Variants in APPBP2 observed in about 807,000 individuals in gnomAD.
APPBP2 encodes the protein amyloid beta precursor protein binding protein 2.
APPBP2 carries 15 observed loss-of-function variants against 76.0 expected under a neutral mutation model. The observed-to-expected ratio is 0.20, with a 90% confidence interval of 0.13 to 0.30. The LOEUF (loss-of-function observed/expected upper bound fraction) is 0.30. APPBP2 is among the 10% of genes least tolerant of loss of function. APPBP2 has a pLI of 1.00. For synonymous variants in APPBP2, 222 were observed against 242.2 expected (o/e 0.92, Z 0.77); for missense variants, 401 against 687.2 (o/e 0.58, Z 4.66).
intron 2 of APPBP2, among the ~76,000 whole-genome samples, chr17:60,499,844 A>G (rs2090807830): frequency 6.6e-6 from 1 of 152,200 alleles, no homozygotes; most frequent in African/African-American, 2.4e-5. Context: ...GATTCCACTT[A>G]TATGGGAAAT....
At chr17:60,514,635 C>T (rs1403429315) in intron 1 of APPBP2, among the ~76,000 whole-genome samples, 1 of 152,128 alleles carries the variant, frequency 6.6e-6, no homozygotes, top group Non-Finnish European at 1.5e-5. Flanking sequence ...CCATCATAAA[C>T]AATGCTGCTT....
Position 60,447,450 on chromosome 17 carries a change from A to AC in APPBP2, c.*130_*131insG, listed in dbSNP as rs1243941626. ...ATTCTGCAAGATAGGGATCACCCAA[A>AC]ATAGGGTCTTCAATGGACTGGACCA... is the stretch of plus-strand genomic sequence containing the variant. On this transcript the variant is annotated 3_prime_UTR_variant, in exon 13 of 13. Coordinates refer to ENST00000083182, the MANE Select transcript of APPBP2 (RefSeq NM_006380.5). 7.7e-6 allele frequency: 8 copies of AC among 1,040,066 alleles called. No homozygotes were observed. The Admixed American group carries it at 2.1e-4, about 27-fold the overall frequency. 64.4% of individuals were successfully genotyped at this position (1,040,066 alleles called of 1,614,324 possible).
At chr17:60,471,857 G>A (rs149977415) in intron 4 of APPBP2, among the ~76,000 whole-genome samples, 167 of 152,326 alleles carry the variant, frequency 1.1e-3, no homozygotes, top group Non-Finnish European at 2.0e-3. Flanking sequence ...TGGGCGCAGT[G>A]GCTCATGCCT....
chr17:60,500,169 C>T (rs1314532243), intron 2 of APPBP2, among the ~76,000 whole-genome samples: 1 of 152,022 alleles, frequency 6.6e-6, no homozygotes, highest in Non-Finnish European at 1.5e-5. Context: ...TACCACCACG[C>T]CCAGCTAATT....
chr17:60,482,612 G>A (rs904058645), intron 3 of APPBP2, among the ~76,000 whole-genome samples: 10 of 152,182 alleles, frequency 6.6e-5, no homozygotes, highest in Non-Finnish European at 1.2e-4. Flanking sequence ...AGGCCCTGGT[G>A]TGTGAGGTTC....
intron 4 of APPBP2, among the ~76,000 whole-genome samples, chr17:60,474,872 C>A (rs1336459903): frequency 2.0e-5 from 3 of 151,892 alleles, no homozygotes; most frequent in African/African-American, 7.3e-5. Context: ...ACTGTCTTCC[C>A]CTACCTTGGG....
intron 3 of APPBP2, among the ~76,000 whole-genome samples, chr17:60,480,716 C>A (rs533380187): frequency 6.6e-6 from 1 of 152,134 alleles, no homozygotes; most frequent in Non-Finnish European, 1.5e-5. Flanking sequence ...AGAATACTGT[C>A]TCTCAGCTTC....
At chr17:60,482,465 ATACTTT>A (rs2090637615) in intron 3 of APPBP2, among the ~76,000 whole-genome samples, 1 of 152,110 alleles carries the variant, frequency 6.6e-6, no homozygotes, top group African/African-American at 2.4e-5. Context: ...TATTATTATT[ATACTTT>A]AAGTTCTAGG....
intron 3 of APPBP2, among the ~76,000 whole-genome samples, chr17:60,493,752 G>GT (rs2090750888): frequency 6.7e-6 from 1 of 149,866 alleles, no homozygotes; most frequent in Non-Finnish European, 1.5e-5. Context: ...CAATTCTCAT[G>GT]CCTCATCCTC....
intron 1 of APPBP2, 100 bp downstream of exon 1, chr17:60,525,694 G>GA (rs1283108688): frequency 4.2e-5 from 65 of 1,549,892 alleles, no homozygotes; most frequent in Non-Finnish European, 5.6e-5. Flanking sequence ...AAGTCTGCCG[G>GA]AAGGGGTGAG....
chr17:60,446,211 A>T lies in APPBP2; in HGVS notation c.*1370T>A, dbSNP rs1278367018. On this transcript the variant is annotated 3_prime_UTR_variant, in exon 13 of 13. Transcript: ENST00000083182. The stretch of plus-strand genomic sequence containing the variant: ...TAACTATAGAAGCATCAGATGGGCT[A>T]CTACAGTAAGAATTGAGGTAACAGC... The T allele has an allele frequency of 1.3e-5, 2 of 152,642 alleles. No homozygotes were observed. Among genetic ancestry groups the T allele is most frequent in the African/African-American group, 4.8e-5 (2 of 41,460 alleles). The allele number at this position is 152,642 out of a possible 1,614,324, so 9.5% of individuals were successfully genotyped here. A position where few individuals can be genotyped will look rare whatever the true frequency, so the allele number is the denominator to read the frequency against.
chr17:60,481,362 G>C (rs1391280083), intron 3 of APPBP2, among the ~76,000 whole-genome samples: 2 of 152,124 alleles, frequency 1.3e-5, no homozygotes, highest in East Asian at 1.9e-4. Flanking sequence ...AGGCCAAGGT[G>C]GAAGGATCCC....
intron 3 of APPBP2, among the ~76,000 whole-genome samples, chr17:60,483,314 G>C (rs1300282189): frequency 2.6e-5 from 4 of 152,136 alleles, no homozygotes; most frequent in Non-Finnish European, 5.9e-5. Flanking sequence ...GTTCTTTGTA[G>C]ATTCTGGGTA....
intron 3 of APPBP2, among the ~76,000 whole-genome samples, chr17:60,480,743 A>T (rs1433831449): frequency 1.3e-5 from 2 of 152,118 alleles, no homozygotes; most frequent in East Asian, 3.8e-4. Context: ...ATACTACTAG[A>T]GTCTGTTTGA....
At chr17:60,518,381 GT>G (rs2090981009) in intron 1 of APPBP2, among the ~76,000 whole-genome samples, 1 of 145,930 alleles carries the variant, frequency 6.9e-6, no homozygotes, top group African/African-American at 2.6e-5. Context: ...GTGTGTGTGT[GT>G]GTGTGTGTGT....
intron 6 of APPBP2, chr17:60,462,792 T>C (rs1305446435): frequency 6.6e-6 from 1 of 151,814 alleles, no homozygotes; most frequent in African/African-American, 2.4e-5. Context: ...CTACTAAAAA[T>C]ACAAAAAATT....
chr17:60,509,378 CAAA>C (rs751824797), intron 1 of APPBP2, among the ~76,000 whole-genome samples: 24 of 99,228 alleles, frequency 2.4e-4, no homozygotes, highest in East Asian at 1.7e-3. Flanking sequence ...GACTCCGTCT[CAAA>C]AAAAAAAAAA....
At chr17:60,494,907 A>G (rs1567934249) in intron 2 of APPBP2, among the ~76,000 whole-genome samples, 1 of 152,046 alleles carries the variant, frequency 6.6e-6, no homozygotes, top group Non-Finnish European at 1.5e-5. Context: ...AAACCAAATT[A>G]TAATTCACAA....
intron 4 of APPBP2, among the ~76,000 whole-genome samples, chr17:60,469,704 T>C (rs945485937): frequency 2.0e-5 from 3 of 152,224 alleles, no homozygotes; most frequent in Non-Finnish European, 4.4e-5. Context: ...ATCCATGTTG[T>C]AGCATGTACC....
Sources: gnomAD v4.1 joint callset for allele counts (sites outside exome capture counted in the v4.1 genomes callset) on GRCh38, gnomAD v4.1.1 for gene constraint, MANE v1.5 for transcripts, NCBI Gene and HGNC (gene_info 2026-07-23, HGNC 2026-07-21) for gene names.